Variants in EFCAB11 observed in about 807,000 individuals in gnomAD.
The protein encoded by EFCAB11 is EF-hand calcium-binding domain-containing protein 11.
Under a neutral mutation model 23.0 loss-of-function variants are expected in EFCAB11, and 14 were observed. The ratio of observed to expected loss-of-function variants is 0.61; its 90% CI spans 0.40 to 0.95. The LOEUF (loss-of-function observed/expected upper bound fraction) is 0.95. Ranked by LOEUF, EFCAB11 falls within the 40% of genes least tolerant of loss-of-function variation. The pLI is 0.00. For synonymous variants in EFCAB11, 65 were observed against 66.6 expected (o/e 0.98, Z 0.11); for missense variants, 198 against 195.8 (o/e 1.01, Z -0.07).
At chr14:89,797,881 C>T (rs1352850906) in intron 5 of EFCAB11, among the ~76,000 whole-genome samples, 5 of 151,924 alleles carry the variant, frequency 3.3e-5, no homozygotes, top group East Asian at 1.9e-4. Context: ...TGCAGTGAGC[C>T]GAGATCACGC....
intron 5 of EFCAB11, among the ~76,000 whole-genome samples, chr14:89,878,548 T>C (rs1888510118): frequency 6.6e-6 from 1 of 152,184 alleles, no homozygotes; most frequent in African/African-American, 2.4e-5. Context: ...ATCATTTTTA[T>C]AGATTTGTTT....
intron 5 of EFCAB11, among the ~76,000 whole-genome samples, chr14:89,903,151 C>T (rs1486027815): frequency 6.6e-5 from 10 of 152,192 alleles, no homozygotes; most frequent in Non-Finnish European, 1.2e-4. Flanking sequence ...TTACTGAATA[C>T]ACATTTAAAA....
intron 5 of EFCAB11, among the ~76,000 whole-genome samples, chr14:89,878,539 TC>T (rs1353694202): frequency 6.6e-6 from 1 of 152,154 alleles, no homozygotes; most frequent in Non-Finnish European, 1.5e-5. Flanking sequence ...CACATTTAAA[TC>T]ATTTTTATAG....
chr14:89,938,291 T>TA (rs1057436811), intron 3 of EFCAB11: 8 of 152,178 alleles, frequency 5.3e-5, no homozygotes, highest in African/African-American at 1.7e-4. Context: ...TTCCAGGAGT[T>TA]AAAAAAATGC....
At chr14:89,850,107 G>GC (rs1351802102) in intron 5 of EFCAB11, among the ~76,000 whole-genome samples, 1 of 151,986 alleles carries the variant, frequency 6.6e-6, no homozygotes, top group Non-Finnish European at 1.5e-5. Context: ...CTGCCTCCCG[G>GC]CCAGCCACAT....
chr14:89,931,700 C>T, intron 4 of EFCAB11, 69 bp from the exon 5 acceptor site: 1 of 1,350,958 alleles, frequency 7.4e-7, no homozygotes, highest in Non-Finnish European at 1.0e-6. Context: ...TCAGCCATAA[C>T]ATTTGTGCAA....
At chr14:89,870,961 A>G (rs1197263070) in intron 5 of EFCAB11, among the ~76,000 whole-genome samples, 1 of 152,070 alleles carries the variant, frequency 6.6e-6, no homozygotes, top group Non-Finnish European at 1.5e-5. Flanking sequence ...AAAAACAAAA[A>G]CAAAACATAG....
chr14:89,813,964 C>A (rs1051593992), intron 5 of EFCAB11, among the ~76,000 whole-genome samples: 1 of 152,062 alleles, frequency 6.6e-6, no homozygotes, highest in African/African-American at 2.4e-5. Flanking sequence ...TCGGCTGCTG[C>A]TCTCTTTCAG....
intron 5 of EFCAB11, among the ~76,000 whole-genome samples, chr14:89,840,950 T>A (rs1887242299): frequency 6.6e-6 from 1 of 152,214 alleles, no homozygotes. Flanking sequence ...TAAAATAAGC[T>A]ACAGCTCCCT....
chr14:89,914,971 C>T lies in EFCAB11; in HGVS notation c.410+16570G>A, dbSNP rs1323590381. 2.6e-5 allele frequency among the ~76,000 whole-genome samples: 4 copies of T among 152,122 alleles called. No individual in the cohort carries two copies. The East Asian group carries it at 7.7e-4, about 29-fold the overall frequency. ...AAAGGGTTAAACAAACCTAGCCGCCCCCGCCCACACACACACAAAAAAGCA... is the reference window on the plus strand; with the variant it reads ...AAAGGGTTAAACAAACCTAGCCGCCTCCGCCCACACACACACAAAAAAGCA... On this transcript the variant is annotated intron_variant, in intron 5 of 5. Coordinates refer to ENST00000316738, the MANE Select transcript of EFCAB11 (RefSeq NM_145231.4).
chr14:89,882,161 A>G (rs192131392), intron 5 of EFCAB11, among the ~76,000 whole-genome samples: 17 of 152,302 alleles, frequency 1.1e-4, no homozygotes, highest in Non-Finnish European at 2.2e-4. Context: ...CTGAGTGTTG[A>G]AAAACTTCCT....
At chr14:89,947,165 A>C (rs529458273) in intron 3 of EFCAB11, among the ~76,000 whole-genome samples, 3 of 152,220 alleles carry the variant, frequency 2.0e-5, no homozygotes, top group African/African-American at 4.8e-5. Flanking sequence ...TCTGGGTAAA[A>C]GGTATACCTT....
intron 5 of EFCAB11, among the ~76,000 whole-genome samples, chr14:89,843,272 CTG>C (rs1324939721): frequency 6.6e-6 from 1 of 152,022 alleles, no homozygotes; most frequent in African/African-American, 2.4e-5. Flanking sequence ...AATATTAAAA[CTG>C]AGAAAAATTT....
At chr14:89,869,434 C>T (rs1371324452) in intron 5 of EFCAB11, among the ~76,000 whole-genome samples, 1 of 152,092 alleles carries the variant, frequency 6.6e-6, no homozygotes, top group East Asian at 1.9e-4. Context: ...CCCACTTGTC[C>T]TTATTACATA....
At chr14:89,947,247 A>T (rs1184518082) in intron 3 of EFCAB11, among the ~76,000 whole-genome samples, 1 of 152,166 alleles carries the variant, frequency 6.6e-6, no homozygotes, top group East Asian at 1.9e-4. Flanking sequence ...ATTCAAAAAA[A>T]GGTAATATTT....
chr14:89,836,906 C>A, intron 5 of EFCAB11: 1 of 403,822 alleles, frequency 2.5e-6, no homozygotes. Flanking sequence ...ATAATCCCAT[C>A]TACTTGGGAG....
rs1885551283 is a variant in EFCAB11 at position 89,795,604 on chromosome 14, T to G, written c.*1639A>C. ...ATCACTTGATCCCAGGAGGCGGAAG[T>G]TGCAGTGAGCCGAGATCGCGCACTG... is the stretch of plus-strand genomic sequence containing the variant. On this transcript the variant is annotated 3_prime_UTR_variant, in exon 6 of 6. Transcript: ENST00000316738. 6.6e-6 allele frequency: 1 copy of G among 151,954 alleles called. No individual in the cohort carries two copies. The highest frequency in any genetic ancestry group is 1.5e-5 in the Non-Finnish European group (1 of 68,024). 9.4% of individuals were successfully genotyped at this position (151,954 alleles called of 1,614,324 possible). A position where few individuals can be genotyped will look rare whatever the true frequency, so the allele number is the denominator to read the frequency against.
intron 3 of EFCAB11, among the ~76,000 whole-genome samples, chr14:89,943,395 T>C (rs935559128): frequency 6.6e-6 from 1 of 151,414 alleles, no homozygotes; most frequent in Admixed American, 6.6e-5. Flanking sequence ...GCATGTACCA[T>C]CAGGCCTGGC....
intron 5 of EFCAB11, among the ~76,000 whole-genome samples, chr14:89,881,466 T>TATATATATATATA (rs10524743): frequency 1.9e-4 from 23 of 122,158 alleles, no homozygotes; most frequent in East Asian, 4.8e-4. Context: ...TATATATATA[T>TATATATATATATA]TCTTTTTTTT....
Sources: gnomAD v4.1 joint callset for allele counts (sites outside exome capture counted in the v4.1 genomes callset) on GRCh38, gnomAD v4.1.1 for gene constraint, MANE v1.5 for transcripts, NCBI Gene and HGNC (gene_info 2026-07-23, HGNC 2026-07-21) for gene names.